SEMA3A: variants seen among roughly 807,000 people sequenced by gnomAD.
The protein encoded by SEMA3A is semaphorin-3A.
A neutral mutation model predicts 97.9 loss-of-function variants in SEMA3A; 29 were observed. The ratio of observed to expected loss-of-function variants is 0.30; its 90% CI spans 0.22 to 0.40. SEMA3A has a LOEUF of 0.40. Ranked by LOEUF, SEMA3A falls within the 10% of genes least tolerant of loss-of-function variation. The pLI is 1.00. For missense variants in SEMA3A, 763 were observed against 951.3 expected (o/e 0.80, Z 2.60); for synonymous variants, 321 against 323.7 (o/e 0.99, Z 0.09).
intron 4 of SEMA3A, among the ~76,000 whole-genome samples, chr7:84,071,138 TTAAAC>T (rs1793724567): frequency 6.6e-6 from 1 of 152,136 alleles, no homozygotes; most frequent in East Asian, 1.9e-4. Context: ...GTTATTTAAT[TTAAAC>T]TAATCAAAGG....
chr7:84,288,129 T>TA (rs1324109440), intron 3 of SEMA3A, among the ~76,000 whole-genome samples: 8 of 152,058 alleles, frequency 5.3e-5, no homozygotes, highest in Non-Finnish European at 1.2e-4. Flanking sequence ...TTAATATATA[T>TA]TTTTTAAGGC....
intron 1 of SEMA3A, among the ~76,000 whole-genome samples, chr7:84,185,940 T>A (rs1797868919): frequency 6.6e-6 from 1 of 152,112 alleles, no homozygotes; most frequent in African/African-American, 2.4e-5. Flanking sequence ...CTCTAGAAGG[T>A]CCTCACAAGT....
chr7:84,415,802 C>T lies in SEMA3A; in HGVS notation c.-245-43902G>A, dbSNP rs367632034. On this transcript the variant is annotated intron_variant, in intron 1 of 3. Transcript: ENST00000424555. ...TCTCCAGTCATAGAAAAACCATAGC[C>T]CTTAGGACATAGCTTTGCAGTGACA... Among the ~76,000 whole-genome samples, 105 of 151,822 alleles carry T rather than the reference C, an allele frequency of 6.9e-4. 1 individual carries two copies. Among genetic ancestry groups the T allele is most frequent in the African/African-American group, 2.3e-3 (97 of 41,406 alleles).
chr7:84,357,769 G>C (rs76535653), intron 2 of SEMA3A, among the ~76,000 whole-genome samples: 83,626 of 150,542 alleles, frequency 0.56, 25,276 homozygotes, highest in African/African-American at 0.79. Context: ...AAAAGTGATC[G>C]TATTTCTCCA....
chr7:84,132,660 G>GTGTTTTT lies in SEMA3A; in HGVS notation c.270+2127_270+2133dup, dbSNP rs1562802018. ...TATCTAATTTTTCTTCATCGACTTG[G>GTGTTTTT]TGTTTTTTTTTTTTTTTTTTTTTTT... On this transcript the variant is annotated intron_variant, in intron 2 of 16. Transcript: ENST00000265362. Among the ~76,000 whole-genome samples the GTGTTTTT allele has an allele frequency of 2.2e-5, 2 of 90,202 alleles. 1 individual carries two copies. The highest frequency in any genetic ancestry group is 1.0e-4 in the African/African-American group (2 of 19,818). 59.2% of individuals were successfully genotyped at this position (90,202 alleles called of 152,430 possible). A position where few individuals can be genotyped will look rare whatever the true frequency, so the allele number is the denominator to read the frequency against.
At chr7:84,162,615 C>T (rs1797072446) in intron 1 of SEMA3A, among the ~76,000 whole-genome samples, 1 of 151,962 alleles carries the variant, frequency 6.6e-6, no homozygotes, top group Non-Finnish European at 1.5e-5. Flanking sequence ...ATATGATTTG[C>T]TTAAAACACT....
intron 1 of SEMA3A, among the ~76,000 whole-genome samples, chr7:84,142,419 C>T (rs542967201): frequency 3.9e-5 from 6 of 152,162 alleles, no homozygotes; most frequent in African/African-American, 1.4e-4. Flanking sequence ...ATTTTTTTCT[C>T]ATGAGGAAAT....
At chr7:84,340,698 T>C (rs1236500563) in intron 2 of SEMA3A, among the ~76,000 whole-genome samples, 1 of 150,430 alleles carries the variant, frequency 6.6e-6, no homozygotes, top group African/African-American at 2.4e-5. Context: ...GAGAATGGCT[T>C]GAACCCAGGA....
chr7:84,057,810 C>T lies in SEMA3A; in HGVS notation c.547+2655G>A, dbSNP rs150425719. The stretch of plus-strand genomic sequence containing the variant: ...TAAATAAAGACTGGAGCAAATTCAT[C>T]TTGACAAAATGATCACTTTTAAAGG... On this transcript the variant is annotated intron_variant, in intron 5 of 16. Transcript: ENST00000265362. 1.3e-4 allele frequency among the ~76,000 whole-genome samples: 19 copies of T among 151,722 alleles called. No homozygotes were observed. In the East Asian group the frequency reaches 3.7e-3, roughly 29 times the overall value.
intron 12 of SEMA3A, among the ~76,000 whole-genome samples, chr7:83,985,925 A>G (rs1257817287): frequency 6.6e-6 from 1 of 152,224 alleles, no homozygotes; most frequent in African/African-American, 2.4e-5. Context: ...AGGGAAGAAC[A>G]AAGTAAGGCT....
chr7:84,323,569 A>C lies in SEMA3A; in HGVS notation c.-168-16277T>G, dbSNP rs1190415848. On this transcript the variant is annotated intron_variant, in intron 2 of 3. Transcript: ENST00000424555. ...AAAGAGTGAAAACGAGTAAATTTTG[A>C]GTGGAAACATAGGGAAAACTCTGAA... Among the ~76,000 whole-genome samples, 3 of 152,126 alleles carry C rather than the reference A, an allele frequency of 2.0e-5. No individual in the cohort carries two copies. In the East Asian group the frequency reaches 5.8e-4, roughly 29 times the overall value.
At chr7:83,989,395 C>T (rs891147912) in intron 12 of SEMA3A, among the ~76,000 whole-genome samples, 1 of 151,048 alleles carries the variant, frequency 6.6e-6, no homozygotes, top group Non-Finnish European at 1.5e-5. Flanking sequence ...TATACATGTG[C>T]CATGCTGGTG....
intron 3 of SEMA3A, among the ~76,000 whole-genome samples, chr7:84,303,251 G>A (rs1801067870): frequency 6.6e-6 from 1 of 152,084 alleles, no homozygotes; most frequent in African/African-American, 2.4e-5. Flanking sequence ...AAGGCCGTGA[G>A]GTAAGAGCTT....
intron 15 of SEMA3A, among the ~76,000 whole-genome samples, chr7:83,973,781 A>G (rs1310524430): frequency 6.6e-6 from 1 of 152,190 alleles, no homozygotes; most frequent in East Asian, 1.9e-4. Flanking sequence ...GCATGCATGC[A>G]AAACTATTAG....
intron 1 of SEMA3A, among the ~76,000 whole-genome samples, chr7:84,404,507 A>C (rs185107036): frequency 1.3e-5 from 2 of 152,322 alleles, no homozygotes; most frequent in Admixed American, 1.3e-4. Flanking sequence ...CAATCTAGCA[A>C]GGCAGGCCAA....
At chr7:84,348,713 A>T (rs1802365018) in intron 2 of SEMA3A, among the ~76,000 whole-genome samples, 1 of 152,098 alleles carries the variant, frequency 6.6e-6, no homozygotes, top group African/African-American at 2.4e-5. Flanking sequence ...GGCCAGGTGC[A>T]GTGGCTCACG....
intron 3 of SEMA3A, among the ~76,000 whole-genome samples, chr7:84,200,526 GTA>G (rs1436537436): frequency 6.6e-6 from 1 of 152,132 alleles, no homozygotes; most frequent in Non-Finnish European, 1.5e-5. Flanking sequence ...GTTATGGTTA[GTA>G]TCCCACTTGC....
At chr7:84,429,238 T>C (rs1297516012) in intron 1 of SEMA3A, among the ~76,000 whole-genome samples, 2 of 151,788 alleles carry the variant, frequency 1.3e-5, no homozygotes, top group East Asian at 1.9e-4. Context: ...ATATATCTGC[T>C]TGATACTACA....
At chr7:84,038,365 TC>T (rs1390709984) in intron 6 of SEMA3A, among the ~76,000 whole-genome samples, 1 of 152,180 alleles carries the variant, frequency 6.6e-6, no homozygotes, top group African/African-American at 2.4e-5. Flanking sequence ...TTTTAATTGT[TC>T]CATTCATTAA....
Sources: gnomAD v4.1 joint callset for allele counts (sites outside exome capture counted in the v4.1 genomes callset) on GRCh38, gnomAD v4.1.1 for gene constraint, MANE v1.5 for transcripts, NCBI Gene and HGNC (gene_info 2026-07-23, HGNC 2026-07-21) for gene names.